The following DNAJC13 variants were observed in gnomAD, a reference collection of about 807,000 sequenced individuals.
DNAJC13 encodes dnaJ homolog subfamily C member 13.
A neutral mutation model predicts 290.5 loss-of-function variants in DNAJC13; 75 were observed. The observed-to-expected ratio is 0.26, with a 90% confidence interval of 0.21 to 0.31. DNAJC13 has a LOEUF of 0.31. Among genes scored for constraint, DNAJC13 ranks in the 10% least tolerant of loss-of-function variants. The pLI is 1.00. For missense variants in DNAJC13, 2,260 were observed against 2,674.5 expected, an observed-to-expected ratio of 0.85 and a Z score of 3.42; for synonymous variants, 862 against 892.0, an observed-to-expected ratio of 0.97 and a Z score of 0.60.
intron 53 of DNAJC13, among the ~76,000 whole-genome samples, 185 bp from the exon 54 acceptor site, chr3:132,528,004 A>C (rs568755835): frequency 1.1e-4 from 17 of 152,290 alleles, no homozygotes; most frequent in African/African-American, 4.1e-4. Context: ...TAGCATTTAG[A>C]ATGGTTAATG....
chr3:132,514,906 G>GC, intron 46 of DNAJC13: 1 of 124,032 alleles, frequency 8.1e-6, no homozygotes, highest in South Asian at 2.8e-4. Flanking sequence ...AAATAACCTG[G>GC]GATTTTCAGT....
intron 9 of DNAJC13, 51 bp downstream of exon 9, chr3:132,454,208 G>A (rs185502283): frequency 7.6e-7 from 1 of 1,320,982 alleles, no homozygotes. Context: ...AAGGCAAAGT[G>A]CTTGGTCAAC....
chr3:132,499,013 G>C, intron 36 of DNAJC13, 113 bp from the exon 37 acceptor site: 3 of 969,820 alleles, frequency 3.1e-6, no homozygotes, highest in Non-Finnish European at 4.5e-6. Context: ...ACCATGCCTG[G>C]CCCCATTTTT....
At chr3:132,470,814 T>C (rs9681059) in intron 20 of DNAJC13, among the ~76,000 whole-genome samples, 2,226 of 19,168 alleles carry the variant, frequency 0.12, 14 homozygotes, top group African/African-American at 0.17. Flanking sequence ...ACCTCCCTCC[T>C]GGACAGGGCG....
intron 1 of DNAJC13, among the ~76,000 whole-genome samples, chr3:132,428,051 G>A (rs1384352107): frequency 6.6e-6 from 1 of 152,216 alleles, no homozygotes; most frequent in Non-Finnish European, 1.5e-5. Flanking sequence ...TGGCAGCTCT[G>A]TGATCAGTGC....
intron 13 of DNAJC13, among the ~76,000 whole-genome samples, chr3:132,459,818 A>G (rs1026749380): frequency 6.6e-5 from 10 of 152,206 alleles, no homozygotes; most frequent in African/African-American, 2.2e-4. Context: ...TCAGTAGTAA[A>G]ATTAGGATTG....
At chr3:132,509,598 A>G (rs1316125410) in intron 43 of DNAJC13, among the ~76,000 whole-genome samples, 1 of 152,248 alleles carries the variant, frequency 6.6e-6, no homozygotes, top group African/African-American at 2.4e-5. Context: ...CAAACAGATC[A>G]CATGCTACAA....
rs750456333 is a variant in DNAJC13, at chr3:132,523,112, G to T, written c.5844-45G>T. The T allele has an allele frequency of 3.7e-6, 6 of 1,612,408 alleles. No individual in the cohort carries two copies. The African/African-American group carries it at 6.7e-5, about 18-fold the overall frequency. The stretch of plus-strand genomic sequence containing the variant: ...ACTTATGCTAAAGGTTAATGAAAAT[G>T]TATTTGTGACTGAAGTTTGGTATCC... On this transcript the variant is annotated intron_variant, in intron 49 of 55. Transcript: ENST00000260818.
In DNAJC13 at chr3:132,484,650, C is replaced by G. The variant is rs202127368; in HGVS notation, c.3245C>G (p.Thr1082Ser). 6.2e-7 allele frequency: 1 copy of G among 1,613,974 alleles called. No individual in the cohort carries two copies. The highest frequency in any genetic ancestry group is 8.5e-7 in the Non-Finnish European group (1 of 1,179,860). ...GTGAAAAGACTGCTGTCAGATAGCA[C>G]TTGCCTTCCCCATATTATTCAGGTG... The part of the protein sequence containing the change: ...PKVKRLLSDS[T>S]CLPHIIQLLL... The change falls in exon 29 of 56, where the codon ACT becomes AGT. Residue 1082 changes from threonine (T) to serine (S), a missense_variant. This residue lies in a region of DNAJC13 where 1,494 missense variants were observed against 1,693.7 expected (regional missense o/e 0.88). Transcript: ENST00000260818.
chr3:132,422,998 C>A (rs1293795851), intron 1 of DNAJC13, among the ~76,000 whole-genome samples: 2 of 152,086 alleles, frequency 1.3e-5, no homozygotes, highest in African/African-American at 4.8e-5. Flanking sequence ...AAAACAAAAC[C>A]CCTAAAGCAA....
intron 26 of DNAJC13, among the ~76,000 whole-genome samples, chr3:132,480,958 C>G (rs1015897718): frequency 6.6e-6 from 1 of 152,074 alleles, no homozygotes; most frequent in African/African-American, 2.4e-5. Flanking sequence ...GAATTGTGAC[C>G]GAAAGTGCTA....
chr3:132,509,703 A>C (rs149414818), intron 43 of DNAJC13, among the ~76,000 whole-genome samples: 251 of 152,326 alleles, frequency 1.6e-3, no homozygotes, highest in Non-Finnish European at 1.2e-3. Context: ...CACCACCCTG[A>C]TTAGTCAGCA....
Position 132,439,359 on chromosome 3 carries a change from A to G in DNAJC13, c.68+4741A>G, listed in dbSNP as rs534986190. Among the ~76,000 whole-genome samples, 4 of 152,152 alleles carry G rather than the reference A, an allele frequency of 2.6e-5. No individual in the cohort carries two copies. In the South Asian group the frequency reaches 6.2e-4, roughly 24 times the overall value. On this transcript the variant is annotated intron_variant, in intron 2 of 55. Coordinates refer to ENST00000260818, the MANE Select transcript of DNAJC13 (RefSeq NM_015268.4). ...GGAATGGAGTTCTACAAGAGAAAAG[A>G]TATCTTTTTCTTTTGCTGCCTGGCA... is the stretch of plus-strand genomic sequence containing the variant.
intron 55 of DNAJC13, among the ~76,000 whole-genome samples, chr3:132,536,073 C>G (rs1310010737): frequency 1.3e-5 from 2 of 152,136 alleles, no homozygotes; most frequent in South Asian, 2.1e-4. Flanking sequence ...TCACAGTGCC[C>G]TTAATAGCTC....
intron 31 of DNAJC13, 51 bp downstream of exon 31, chr3:132,489,072 C>T: frequency 6.8e-7 from 1 of 1,469,044 alleles, no homozygotes; most frequent in Non-Finnish European, 9.5e-7. Context: ...GCTGTTTTGG[C>T]ACTATAAAGT....
chr3:132,520,191 C>A (rs529627120), intron 48 of DNAJC13, among the ~76,000 whole-genome samples: 1 of 152,298 alleles, frequency 6.6e-6, no homozygotes, highest in East Asian at 1.9e-4. Context: ...CATGTGATCT[C>A]TGTTACAAAT....
At chr3:132,443,206 A>C (rs1933127253) in intron 2 of DNAJC13, among the ~76,000 whole-genome samples, 1 of 152,134 alleles carries the variant, frequency 6.6e-6, no homozygotes, top group Non-Finnish European at 1.5e-5. Context: ...AGGCTGGAAT[A>C]CAGTGGTATG....
At chr3:132,460,944 T>A (rs555017712) in intron 14 of DNAJC13, 106 bp from the exon 15 acceptor site, 5 of 1,080,650 alleles carry the variant, frequency 4.6e-6, no homozygotes, top group Admixed American at 2.7e-5. Flanking sequence ...AAAGTCAATG[T>A]TGATGTCTGA....
At chr3:132,495,025 G>T in intron 34 of DNAJC13, 63 bp from the exon 35 acceptor site, 3 of 1,140,362 alleles carry the variant, frequency 2.6e-6, no homozygotes, top group East Asian at 2.5e-5. Context: ...ATTTTAGATG[G>T]TTTTGTAAAT....
Sources: allele counts gnomAD v4.1 joint callset (sites outside exome capture counted in the v4.1 genomes callset), GRCh38; gene constraint gnomAD v4.1.1; regional missense constraint gnomAD v4.1.1; transcripts MANE v1.5; gene names NCBI Gene and HGNC (gene_info 2026-07-23, HGNC 2026-07-21).